The following TENM3 variants were observed in gnomAD, a reference collection of about 807,000 sequenced individuals.
TENM3 encodes the protein teneurin transmembrane protein 3.
TENM3 carries 63 observed loss-of-function variants against 255.1 expected under a neutral mutation model. The observed-to-expected ratio is 0.25, with a 90% CI of 0.20 to 0.30. The LOEUF (loss-of-function observed/expected upper bound fraction) is 0.30, where lower values mean the gene tolerates loss of function less well. TENM3 is among the 10% of genes least tolerant of loss of function. The probability of loss-of-function intolerance (pLI) is 1.00; values close to 1 mark genes in which losing one functional copy is unlikely to be tolerated. For missense variants in TENM3, 2,929 were observed against 3,461.1 expected (o/e 0.85, Z 3.86); for synonymous variants, 1,306 against 1,322.3 (o/e 0.99, Z 0.27).
chr4:181,865,548 C>T, the TENM3 span, among the ~76,000 whole-genome samples: 3 of 152,160 alleles, frequency 2.0e-5, no homozygotes, highest in Non-Finnish European at 4.4e-5. Context: ...TACCGTCACC[C>T]GCATGCCTAC....
intron 5 of TENM3, among the ~76,000 whole-genome samples, chr4:182,652,087 G>A (rs1753360592): frequency 6.6e-6 from 1 of 152,082 alleles, no homozygotes; most frequent in Non-Finnish European, 1.5e-5. Context: ...TATCCACACA[G>A]TGTTTTCTTA....
the TENM3 span, among the ~76,000 whole-genome samples, chr4:181,448,328 C>A: frequency 4.1e-5 from 6 of 146,448 alleles, no homozygotes; most frequent in East Asian, 1.3e-3. Flanking sequence ...CCCACCACTA[C>A]GCCCGGCTAA....
Position 182,628,687 on chromosome 4 carries a change from A to G in TENM3, c.786A>G (p.Pro262=), listed in dbSNP as rs765005595. 3 of 1,602,968 alleles carry G rather than the reference A, an allele frequency of 1.9e-6. No homozygotes were observed. The highest frequency in any genetic ancestry group is 1.7e-6 in the Non-Finnish European group (2 of 1,174,452). ...FLFKTGTGTT[P]LFSTATPGYT... is the part of the protein sequence containing the mutation. ...TCAAAACAGGAACAGGTACAACGCC[A>G]CTGTTCAGTACTGCAACCCCAGGAT... is the stretch of plus-strand genomic sequence containing the variant. Residue 262 remains proline (P), a synonymous_variant, in exon 5 of 28, where the codon CCA becomes CCG. Transcript: ENST00000511685.
At chr4:181,584,148 A>G in the TENM3 span, among the ~76,000 whole-genome samples, 51 of 152,358 alleles carry the variant, frequency 3.3e-4, no homozygotes, top group African/African-American at 1.2e-3. Flanking sequence ...ATTAAAAGCA[A>G]TATCTTGCCT....
At chr4:181,642,817 A>G in the TENM3 span, among the ~76,000 whole-genome samples, 1 of 152,060 alleles carries the variant, frequency 6.6e-6, no homozygotes, top group Non-Finnish European at 1.5e-5. Context: ...ATGGTTGTAG[A>G]TGTGCGGTAT....
At chr4:181,727,679 AAT>A in the TENM3 span, among the ~76,000 whole-genome samples, 12 of 152,214 alleles carry the variant, frequency 7.9e-5, no homozygotes, top group South Asian at 2.1e-4. Context: ...AATACTTTCA[AAT>A]ATGAGCATTT....
chr4:182,651,887 A>G (rs1753341367), intron 5 of TENM3, among the ~76,000 whole-genome samples: 1 of 152,238 alleles, frequency 6.6e-6, no homozygotes. Flanking sequence ...GACTGTTAAT[A>G]GAATATCCTA....
At chr4:182,274,932 C>T (rs1247039699) in intron 1 of TENM3, among the ~76,000 whole-genome samples, 1 of 152,022 alleles carries the variant, frequency 6.6e-6, no homozygotes, top group Non-Finnish European at 1.5e-5. Context: ...CAAGCTAATC[C>T]TCCCACCTCG....
At chr4:181,873,523 C>A in the TENM3 span, among the ~76,000 whole-genome samples, 3 of 152,132 alleles carry the variant, frequency 2.0e-5, no homozygotes, top group Non-Finnish European at 1.5e-5. Flanking sequence ...CATTTAGAGG[C>A]ATGTTGTTTT....
chr4:182,282,502 C>T (rs558584646), intron 1 of TENM3, among the ~76,000 whole-genome samples: 5 of 152,242 alleles, frequency 3.3e-5, no homozygotes, highest in South Asian at 4.1e-4. Context: ...TGGCTGTCAT[C>T]GGTAAGTGAA....
At chr4:181,863,658 G>A in the TENM3 span, among the ~76,000 whole-genome samples, 1 of 152,002 alleles carries the variant, frequency 6.6e-6, no homozygotes, top group Non-Finnish European at 1.5e-5. Context: ...AGATCTAAGG[G>A]TAGTAGGCCA....
chr4:181,778,647 T>G, the TENM3 span, among the ~76,000 whole-genome samples: 1 of 152,140 alleles, frequency 6.6e-6, no homozygotes, highest in Non-Finnish European at 1.5e-5. Flanking sequence ...TTTCTTCCCC[T>G]GCTCAGACAT....
chr4:181,865,280 A>G, the TENM3 span, among the ~76,000 whole-genome samples: 1 of 152,196 alleles, frequency 6.6e-6, no homozygotes, highest in Non-Finnish European at 1.5e-5. Context: ...TCTTTAAAGG[A>G]AGGCTCATTC....
chr4:181,905,913 G>C, the TENM3 span: 31 of 561,312 alleles, frequency 5.5e-5, 1 homozygote, highest in African/African-American at 5.0e-4. Context: ...TGCAAGCTCA[G>C]CAGAATGACA....
At chr4:182,140,270 C>G (rs72693839), upstream of TENM3, among the ~76,000 whole-genome samples, 14,458 of 152,240 alleles carry the variant, frequency 0.095, 950 homozygotes, top group South Asian at 0.16. Context: ...CAGTGGCTAC[C>G]AGCCTTTAGC....
the TENM3 span, among the ~76,000 whole-genome samples, chr4:181,849,949 T>TCACACACACACA: frequency 3.2e-4 from 21 of 65,928 alleles, no homozygotes; most frequent in African/African-American, 6.1e-4. Context: ...TCTCTCTCTC[T>TCACACACACACA]CACACACACA....
the TENM3 span, among the ~76,000 whole-genome samples, chr4:181,521,040 C>A: frequency 6.6e-6 from 1 of 152,174 alleles, no homozygotes; most frequent in Non-Finnish European, 1.5e-5. Flanking sequence ...GAGCTCTCAG[C>A]CACTCAGCAA....
Position 182,415,533 on chromosome 4 carries a change from C to T in TENM3, c.511+68604C>T, listed in dbSNP as rs557594996. Among the ~76,000 whole-genome samples, 11 of 152,028 alleles carry T rather than the reference C, an allele frequency of 7.2e-5. No individual in the cohort carries two copies. The South Asian group carries it at 1.5e-3, about 20-fold the overall frequency. ...ACCAGCTCTTACATATTCATTTATT[C>T]CTTTGGCATGATAAGAGAGGGAGAC... On this transcript the variant is annotated intron_variant, in intron 3 of 27. Coordinates refer to ENST00000511685, the MANE Select transcript of TENM3 (RefSeq NM_001080477.4).
chr4:182,614,891 G>A (rs1434207718), intron 4 of TENM3, among the ~76,000 whole-genome samples: 1 of 151,492 alleles, frequency 6.6e-6, no homozygotes, highest in Non-Finnish European at 1.5e-5. Flanking sequence ...TCATAGATCC[G>A]AAGCTACCAT....
Sources: gnomAD v4.1 joint callset for allele counts (sites outside exome capture counted in the v4.1 genomes callset) on GRCh38, gnomAD v4.1.1 for gene constraint, MANE v1.5 for transcripts, NCBI Gene and HGNC (gene_info 2026-07-23, HGNC 2026-07-21) for gene names.